Variants in TET2 observed in about 807,000 individuals in gnomAD.
The protein encoded by TET2 is methylcytosine dioxygenase TET2.
Under a neutral mutation model 142.9 loss-of-function variants are expected in TET2, and 299 were observed. That is an observed-to-expected ratio of 2.09 (90% CI 1.90 to 2.30). The LOEUF (loss-of-function observed/expected upper bound fraction) is 2.30, where lower values mean the gene tolerates loss of function less well. Among genes scored for constraint, TET2 ranks in the 30% most tolerant of loss-of-function variants. The probability of loss-of-function intolerance (pLI) is 0.00; values close to 1 mark genes in which losing one functional copy is unlikely to be tolerated. For missense variants in TET2, 2,418 were observed against 2,378.0 expected (o/e 1.02, Z -0.35); for synonymous variants, 819 against 849.0 (o/e 0.96, Z 0.61).
chr4:105,256,167 A>T (rs1327026440), intron 6 of TET2, among the ~76,000 whole-genome samples: 2 of 152,316 alleles, frequency 1.3e-5, no homozygotes, highest in South Asian at 4.1e-4. Flanking sequence ...AAAAAAATAC[A>T]TATATGATTT....
intron 6 of TET2, among the ~76,000 whole-genome samples, chr4:105,257,764 A>T (rs1396805485): frequency 6.6e-6 from 1 of 152,042 alleles, no homozygotes; most frequent in Non-Finnish European, 1.5e-5. Context: ...TAGTTATCTT[A>T]TGTTTTGCTC....
chr4:105,218,826 G>T (rs1184578808), intron 2 of TET2, among the ~76,000 whole-genome samples: 1 of 151,788 alleles, frequency 6.6e-6, no homozygotes, highest in Admixed American at 6.6e-5. Flanking sequence ...GTTTCCAGAA[G>T]AACCTTTTGT....
rs935014565 is a variant in TET2, at chr4:105,236,124, G to A, written c.2182G>A (p.Ala728Thr). 1 of 1,613,984 alleles carries A rather than the reference G, an allele frequency of 6.2e-7. No homozygotes were observed. The highest frequency in any genetic ancestry group is 1.3e-5 in the African/African-American group (1 of 74,916). Residue 728 changes from alanine to threonine, a missense_variant, in exon 3 of 11, where the codon GCA (alanine) becomes ACA (threonine). Coordinates refer to ENST00000380013, the MANE Select transcript of TET2 (RefSeq NM_001127208.3). ...LLQHKPHKQA[A>T]QTQPSQSSHL... is the part of the protein sequence containing the mutation. ...GCAACATAAGCCTCATAAACAGGCA[G>A]CACAAACACAACCATCCCAGAGTTC...
chr4:105,249,018 C>G (rs1403862725), intron 6 of TET2, among the ~76,000 whole-genome samples: 2 of 90,954 alleles, frequency 2.2e-5, no homozygotes, highest in African/African-American at 9.0e-5. Flanking sequence ...TTTTTTTTGT[C>G]CACGTATATA....
At chr4:105,157,517 A>T (rs140104751) in intron 1 of TET2, among the ~76,000 whole-genome samples, 1 of 152,174 alleles carries the variant, frequency 6.6e-6, no homozygotes. Context: ...TGTCTGCCAC[A>T]TTACGCTTGT....
intron 2 of TET2, among the ~76,000 whole-genome samples, chr4:105,215,844 T>A (rs2110563825): frequency 6.6e-6 from 1 of 152,300 alleles, no homozygotes; most frequent in South Asian, 2.1e-4. Flanking sequence ...AACCATAACC[T>A]TTTTTAGCAG....
In TET2 at chr4:105,236,679, C is replaced by G; in HGVS notation, c.2737C>G (p.Gln913Glu). The G allele has an allele frequency of 6.2e-7, 1 of 1,614,090 alleles. No individual in the cohort carries two copies. The highest frequency in any genetic ancestry group is 8.5e-7 in the Non-Finnish European group (1 of 1,180,006). The part of the protein sequence containing the change: ...NQDMSGQQAA[Q>E]LAQQRYLIHN... ...AGATATGTCTGGTCAACAAGCTGCGCAACTTGCTCAGCAAAGGTACTTGAT... is the reference window on the plus strand; with the variant it reads ...AGATATGTCTGGTCAACAAGCTGCGGAACTTGCTCAGCAAAGGTACTTGAT... Residue 913 changes from glutamine to glutamate, a missense_variant, in exon 3 of 11, where the codon CAA becomes GAA. Gln to Glu is a conservative substitution (Grantham distance 29). Transcript: ENST00000380013.
intron 2 of TET2, chr4:105,202,408 C>A (rs1560748437): frequency 6.6e-6 from 1 of 152,264 alleles, no homozygotes; most frequent in South Asian, 2.1e-4. Context: ...CAGCGAATTT[C>A]TAGAGGCTGG....
intron 1 of TET2, among the ~76,000 whole-genome samples, chr4:105,152,784 A>G (rs1194897369): frequency 1.3e-5 from 2 of 151,922 alleles, no homozygotes; most frequent in Non-Finnish European, 2.9e-5. Flanking sequence ...TTTATTAGAG[A>G]CAGGGTTTCA....
intron 1 of TET2, among the ~76,000 whole-genome samples, chr4:105,173,856 G>T (rs905700364): frequency 2.6e-5 from 4 of 152,126 alleles, no homozygotes; most frequent in Non-Finnish European, 1.5e-5. Context: ...AATATTGGTT[G>T]AGAAAAATCT....
chr4:105,238,038 A>G (rs1729059315), intron 3 of TET2: 1 of 581,788 alleles, frequency 1.7e-6, no homozygotes, highest in South Asian at 8.1e-5. Context: ...GAATATTACA[A>G]TAAAGCAAGT....
At chr4:105,207,350 A>C (rs1342944329) in intron 2 of TET2, among the ~76,000 whole-genome samples, 1 of 152,208 alleles carries the variant, frequency 6.6e-6, no homozygotes, top group Admixed American at 6.5e-5. Flanking sequence ...AGGGAGACTA[A>C]AGTGAATAAC....
At chr4:105,259,024 G>C (rs1021012167) in intron 6 of TET2, among the ~76,000 whole-genome samples, 1 of 152,048 alleles carries the variant, frequency 6.6e-6, no homozygotes, top group Admixed American at 6.6e-5. Flanking sequence ...AAACATAATG[G>C]AAAAAGCACA....
intron 3 of TET2, chr4:105,238,160 T>C (rs1578682067): frequency 4.4e-6 from 1 of 225,350 alleles, no homozygotes. Context: ...TTAAAAATAA[T>C]TTATTGTTAA....
At chr4:105,238,319 A>G (rs1429791709) in intron 3 of TET2, 1 of 238,570 alleles carries the variant, frequency 4.2e-6, no homozygotes, top group Admixed American at 5.7e-5. Context: ...ATTTCTTAAA[A>G]TAAGACAACA....
chr4:105,154,789 C>T (rs1247567703), intron 1 of TET2, among the ~76,000 whole-genome samples: 3 of 152,092 alleles, frequency 2.0e-5, no homozygotes, highest in East Asian at 1.9e-4. Context: ...CTTTGCGAGG[C>T]GGAAGTGGGT....
chr4:105,258,719 T>C (rs1054611535), intron 6 of TET2, among the ~76,000 whole-genome samples: 4 of 152,192 alleles, frequency 2.6e-5, no homozygotes, highest in African/African-American at 9.6e-5. Context: ...AATTATTTAC[T>C]TATATCACAA....
At chr4:105,217,056 T>G (rs896316610) in intron 2 of TET2, among the ~76,000 whole-genome samples, 2 of 152,072 alleles carry the variant, frequency 1.3e-5, no homozygotes, top group African/African-American at 4.8e-5. Flanking sequence ...TCTTTCTTTG[T>G]TCTTGCCCCT....
At position 105,272,571 on chromosome 4, in the gene TET2, C is replaced by A; in HGVS notation, c.4190C>A (p.Thr1397Asn). The A allele has an allele frequency of 6.5e-7, 1 of 1,527,398 alleles. No homozygotes were observed. Among genetic ancestry groups the A allele is most frequent in the Non-Finnish European group, 8.8e-7 (1 of 1,136,492 alleles). The allele number at this position is 1,527,398 out of a possible 1,614,324, so 94.6% of individuals were successfully genotyped here. A position where few individuals can be genotyped will look rare whatever the true frequency, so the allele number is the denominator to read the frequency against. Residue 1397 changes from threonine (T) to asparagine (N), a missense_variant, in exon 10 of 11, where the codon ACT (threonine) becomes AAT (asparagine). Transcript: ENST00000380013. ...GTCTTACTTCCCTACCAGGTATGCACTCTCACTAGAGAAGACAATCGAGAA... is the reference window on the plus strand; with the variant it reads ...GTCTTACTTCCCTACCAGGTATGCAATCTCACTAGAGAAGACAATCGAGAA... ...NMQNGSTLVCTLTREDNREFG... is the reference protein window; with the variant it reads ...NMQNGSTLVCNLTREDNREFG...
Sources: gnomAD v4.1 joint callset for allele counts (sites outside exome capture counted in the v4.1 genomes callset) on GRCh38, gnomAD v4.1.1 for gene constraint, MANE v1.5 for transcripts, NCBI Gene and HGNC (gene_info 2026-07-23, HGNC 2026-07-21) for gene names.